The following FGF12 variants were observed in gnomAD, a reference collection of about 807,000 sequenced individuals.
FGF12 encodes the protein fibroblast growth factor 12.
A neutral mutation model predicts 23.6 loss-of-function variants in FGF12; 14 were observed. The ratio of observed to expected loss-of-function variants is 0.59; its 90% CI spans 0.39 to 0.93. The LOEUF is 0.93. FGF12 is among the 40% of genes least tolerant of loss of function. FGF12 has a pLI of 0.00. For missense variants in FGF12, 175 were observed against 217.8 expected (o/e 0.80, Z 1.24); for synonymous variants, 62 against 77.3 (o/e 0.80, Z 1.04).
chr3:192,470,230 C>A (rs1220397286), intron 2 of FGF12, among the ~76,000 whole-genome samples: 8 of 152,048 alleles, frequency 5.3e-5, no homozygotes, highest in Non-Finnish European at 1.2e-4. Flanking sequence ...CCTCCAGAAG[C>A]TAAAGGGTAA....
intron 2 of FGF12, among the ~76,000 whole-genome samples, chr3:192,712,325 C>A (rs200195990): frequency 6.6e-6 from 1 of 150,982 alleles, no homozygotes; most frequent in Non-Finnish European, 1.5e-5. Flanking sequence ...TTTTCAAAAA[C>A]TAAATTATTT....
At chr3:192,273,882 C>G (rs759439694) in intron 4 of FGF12, among the ~76,000 whole-genome samples, 3 of 149,740 alleles carry the variant, frequency 2.0e-5, no homozygotes, top group Non-Finnish European at 4.4e-5. Flanking sequence ...GGATTTGAGT[C>G]TTCAGGATGT....
chr3:192,390,174 T>C (rs1047035955), intron 2 of FGF12, among the ~76,000 whole-genome samples: 26 of 152,242 alleles, frequency 1.7e-4, no homozygotes, highest in Admixed American at 3.3e-4. Context: ...CAGTAACTGC[T>C]GAGACATGCA....
intron 2 of FGF12, among the ~76,000 whole-genome samples, chr3:192,394,316 G>A (rs1720429678): frequency 6.6e-6 from 1 of 152,154 alleles, no homozygotes. Flanking sequence ...CAGTCAATTT[G>A]TGTCCAGTTG....
chr3:192,207,776 A>G (rs996896086), intron 4 of FGF12, among the ~76,000 whole-genome samples: 3 of 152,226 alleles, frequency 2.0e-5, no homozygotes, highest in Non-Finnish European at 2.9e-5. Context: ...TTTCCTTGGC[A>G]TCAGAGTGGC....
At position 192,181,378 on chromosome 3, in the gene FGF12, GAC is replaced by G. The variant is rs35246455; in HGVS notation, c.229-10724_229-10723del. 3.3e-3 allele frequency among the ~76,000 whole-genome samples: 491 copies of G among 147,050 alleles called. 2 individuals carry two copies. Among genetic ancestry groups the G allele is most frequent in the African/African-American group, 8.8e-3 (352 of 39,830 alleles). ...GCACACACACAGACACACACACACA[GAC>G]ACACACACACACACACACAGCATGA... On this transcript the variant is annotated intron_variant, in intron 4 of 5. Coordinates refer to ENST00000445105, the MANE Select transcript of FGF12 (RefSeq NM_004113.6).
At chr3:192,331,154 A>G (rs1314056376) in intron 4 of FGF12, among the ~76,000 whole-genome samples, 6 of 152,054 alleles carry the variant, frequency 3.9e-5, no homozygotes, top group African/African-American at 1.4e-4. Context: ...ATCAAAACAA[A>G]ATGGGTTATC....
At chr3:192,708,903 T>G (rs1718575816) in intron 2 of FGF12, among the ~76,000 whole-genome samples, 1 of 152,248 alleles carries the variant, frequency 6.6e-6, no homozygotes, top group African/African-American at 2.4e-5. Flanking sequence ...ATTATATTAC[T>G]GATAAAGAAC....
At chr3:192,466,934 G>A (rs1723027822) in intron 2 of FGF12, among the ~76,000 whole-genome samples, 1 of 152,150 alleles carries the variant, frequency 6.6e-6, no homozygotes, top group Non-Finnish European at 1.5e-5. Context: ...AGAAAAAAAA[G>A]TAATATAATA....
intron 2 of FGF12, among the ~76,000 whole-genome samples, chr3:192,678,060 T>G (rs1191889770): frequency 6.6e-6 from 1 of 152,150 alleles, no homozygotes; most frequent in Admixed American, 6.5e-5. Context: ...CACTTTTGGG[T>G]TTTCAATTAT....
intron 2 of FGF12, among the ~76,000 whole-genome samples, chr3:192,421,049 G>A (rs953548150): frequency 6.6e-6 from 1 of 152,024 alleles, no homozygotes; most frequent in East Asian, 1.9e-4. Context: ...GACGAGAATC[G>A]ACAGTGGCCA....
chr3:192,378,060 T>TTCTG (rs1233514767), intron 2 of FGF12, among the ~76,000 whole-genome samples: 3 of 114,342 alleles, frequency 2.6e-5, no homozygotes, highest in Admixed American at 1.8e-4. Flanking sequence ...CTTTCTTTCT[T>TTCTG]TCTTTCTTTC....
chr3:192,614,325 C>A (rs1714667549), intron 2 of FGF12, among the ~76,000 whole-genome samples: 1 of 151,830 alleles, frequency 6.6e-6, no homozygotes, highest in South Asian at 2.1e-4. Flanking sequence ...TGTATTTCTA[C>A]ATCTAGACGA....
intron 2 of FGF12, among the ~76,000 whole-genome samples, chr3:192,361,169 CAAA>C (rs10651290): frequency 1.0e-5 from 1 of 98,764 alleles, no homozygotes. Context: ...TTCTCCAGTA[CAAA>C]AAAAAAAAAA....
chr3:192,328,400 T>C (rs1716929309), intron 4 of FGF12, among the ~76,000 whole-genome samples: 1 of 152,170 alleles, frequency 6.6e-6, no homozygotes, highest in South Asian at 2.1e-4. Context: ...TCTCTTGACA[T>C]AGAGGCTCAG....
intron 2 of FGF12, among the ~76,000 whole-genome samples, chr3:192,375,320 G>T (rs1719435944): frequency 6.6e-6 from 1 of 151,860 alleles, no homozygotes; most frequent in Non-Finnish European, 1.5e-5. Context: ...TTATCCTTAT[G>T]TTCCTTCAAT....
At chr3:192,679,005 T>C (rs923133442) in intron 2 of FGF12, among the ~76,000 whole-genome samples, 7 of 152,144 alleles carry the variant, frequency 4.6e-5, no homozygotes, top group African/African-American at 1.7e-4. Context: ...AGTAGTTCCC[T>C]GGTGAGGTTA....
chr3:192,326,708 A>G (rs138055503), intron 4 of FGF12, among the ~76,000 whole-genome samples: 138 of 152,326 alleles, frequency 9.1e-4, no homozygotes, highest in Non-Finnish European at 1.7e-3. Context: ...TTTTCAAAGA[A>G]TTATGCTTTT....
At chr3:192,588,360 A>G (rs914407716) in intron 2 of FGF12, among the ~76,000 whole-genome samples, 3 of 142,732 alleles carry the variant, frequency 2.1e-5, no homozygotes, top group East Asian at 2.0e-4. Context: ...AAAAAAAAAA[A>G]AAAAAAAGAA....
Sources: gnomAD v4.1 joint callset for allele counts (sites outside exome capture counted in the v4.1 genomes callset) on GRCh38, gnomAD v4.1.1 for gene constraint, MANE v1.5 for transcripts, NCBI Gene and HGNC (gene_info 2026-07-23, HGNC 2026-07-21) for gene names.